PRMT7: variants seen among roughly 807,000 people sequenced by gnomAD.
PRMT7 encodes protein arginine methyltransferase 7.
In PRMT7, 75 loss-of-function variants were observed where a neutral mutation model predicts 85.4. That is an observed-to-expected ratio of 0.88 (90% CI 0.73 to 1.06). PRMT7 has a LOEUF of 1.06. Ranked by LOEUF, PRMT7 falls within the 50% of genes least tolerant of loss-of-function variation. The pLI is 0.00. For missense variants in PRMT7, 868 were observed against 915.2 expected, an observed-to-expected ratio of 0.95 and a Z score of 0.67; for synonymous variants, 397 against 359.5, an observed-to-expected ratio of 1.10 and a Z score of -1.18.
intron 7 of PRMT7, among the ~76,000 whole-genome samples, chr16:68,338,254 G>A (rs886379424): frequency 1.3e-5 from 2 of 152,120 alleles, no homozygotes; most frequent in African/African-American, 2.4e-5. Flanking sequence ...GTAGACAGAG[G>A]CCTGATAGGT....
At chr16:68,350,532 T>G (rs1455324861) in intron 14 of PRMT7, among the ~76,000 whole-genome samples, 1 of 152,204 alleles carries the variant, frequency 6.6e-6, no homozygotes, top group African/African-American at 2.4e-5. Flanking sequence ...GTGAACATCA[T>G]TTCGTGTGCT....
intron 7 of PRMT7, among the ~76,000 whole-genome samples, chr16:68,338,133 T>C (rs1007002660): frequency 8.5e-5 from 13 of 152,270 alleles, no homozygotes; most frequent in South Asian, 8.3e-4. Context: ...AGCAGACTTA[T>C]GCAGGCAGAT....
At chr16:68,341,016 CAT>C (rs752382781) in intron 9 of PRMT7, among the ~76,000 whole-genome samples, 7 of 152,174 alleles carry the variant, frequency 4.6e-5, no homozygotes, top group Non-Finnish European at 8.8e-5. Context: ...AGTGGATAGT[CAT>C]GTGTGGTGTA....
intron 17 of PRMT7, 132 bp from the exon 18 acceptor site, chr16:68,356,569 C>A: frequency 1.5e-6 from 1 of 682,458 alleles, no homozygotes. Flanking sequence ...GTAACTGCAG[C>A]ACTAGGAACT....
chr16:68,321,453 C>T lies in PRMT7; in HGVS notation c.123C>T (p.Asp41=). 3 of 1,609,688 alleles carry T rather than the reference C, an allele frequency of 1.9e-6. No individual in the cohort carries two copies. The highest frequency in any genetic ancestry group is 2.5e-6 in the Non-Finnish European group (3 of 1,177,056). Residue 41 remains aspartate (D), a synonymous_variant, in exon 4 of 19, where the codon GAC becomes GAT. Transcript: ENST00000441236. ...CATCTTATGCAGATATGCTACATGA[C>T]AAAGACAGAGTAAGTGTAAAAGGAA... ...ARSSYADMLH[D]KDRNVKYYQG... is the part of the protein sequence containing the mutation.
rs145914703 is a variant in PRMT7, at chr16:68,313,537, C to T, written c.-84+1361C>T. Reference sequence around the variant, plus strand: ...AAATGCCTTCTCCGTCCACAACCCCCTCCTTCTCCTCCTGCCTCAGCTGAA... The same window carrying T: ...AAATGCCTTCTCCGTCCACAACCCCTTCCTTCTCCTCCTGCCTCAGCTGAA... On this transcript the variant is annotated intron_variant, in intron 2 of 18. Coordinates refer to ENST00000441236, the MANE Select transcript of PRMT7 (RefSeq NM_019023.5). 3.0e-4 allele frequency among the ~76,000 whole-genome samples: 45 copies of T among 152,318 alleles called. No homozygotes were observed. In the East Asian group the frequency reaches 8.3e-3, roughly 28 times the overall value.
At chr16:68,324,398 C>T in intron 4 of PRMT7, 2 of 429,596 alleles carry the variant, frequency 4.7e-6, no homozygotes, top group South Asian at 2.4e-5. Flanking sequence ...CCCCTTTTGG[C>T]TGTACCTAAC....
chr16:68,354,076 A>C (rs1296539277), intron 16 of PRMT7, among the ~76,000 whole-genome samples: 1 of 152,168 alleles, frequency 6.6e-6, no homozygotes, highest in Non-Finnish European at 1.5e-5. Flanking sequence ...GGTGAGGAGC[A>C]TGGGCCGTGC....
chr16:68,344,066 C>T (rs759116311), intron 9 of PRMT7, among the ~76,000 whole-genome samples: 1 of 152,234 alleles, frequency 6.6e-6, no homozygotes, highest in Non-Finnish European at 1.5e-5. Flanking sequence ...CTCCTGGGCA[C>T]AAGCGATCCT....
Position 68,321,472 on chromosome 16 carries a change from A to G in PRMT7, c.132+10A>G, listed in dbSNP as rs2082488147. On this transcript the variant is annotated intron_variant, in intron 4 of 18. Transcript: ENST00000441236. ...ACATGACAAAGACAGAGTAAGTGTA[A>G]AAGGAAACTATTATCTTGATGTGGG... 7 of 1,603,178 alleles carry G rather than the reference A, an allele frequency of 4.4e-6. No individual in the cohort carries two copies. In the East Asian group the frequency reaches 1.6e-4, roughly 36 times the overall value.
At chr16:68,334,264 G>A (rs1347126362) in intron 6 of PRMT7, among the ~76,000 whole-genome samples, 1 of 152,204 alleles carries the variant, frequency 6.6e-6, no homozygotes, top group African/African-American at 2.4e-5. Flanking sequence ...TTTTTGTAAA[G>A]TGAGTAGATT....
chr16:68,324,387 C>A, intron 4 of PRMT7: 1 of 397,462 alleles, frequency 2.5e-6, no homozygotes, highest in South Asian at 2.6e-5. Flanking sequence ...CCCTCTTGGT[C>A]CCCCTTTTGG....
chr16:68,333,167 G>GT (rs1286846913), intron 6 of PRMT7, among the ~76,000 whole-genome samples: 1 of 151,766 alleles, frequency 6.6e-6, no homozygotes, highest in African/African-American at 2.4e-5. Flanking sequence ...TAATTTTTTT[G>GT]TTTTTTTAAA....
At position 68,329,370 on chromosome 16, in the gene PRMT7, G is replaced by A. The variant is rs1053004136; in HGVS notation, c.391+196G>A. 1.2e-4 allele frequency: 57 copies of A among 456,644 alleles called. No homozygotes were observed. In the Admixed American group the frequency reaches 1.8e-3, roughly 15 times the overall value. The allele number at this position is 456,644 out of a possible 1,614,324, so 28.3% of individuals were successfully genotyped here. On this transcript the variant is annotated intron_variant, in intron 6 of 18. Transcript: ENST00000441236. Reference sequence around the variant, plus strand: ...AGTTAAAACTAGTCAACAAGGAGTAGACTAGAGCTAGTCAGGTCCAGCAAT... The same window carrying A: ...AGTTAAAACTAGTCAACAAGGAGTAAACTAGAGCTAGTCAGGTCCAGCAAT...
intron 9 of PRMT7, among the ~76,000 whole-genome samples, chr16:68,340,231 AC>A (rs2151743338): frequency 6.6e-6 from 1 of 152,210 alleles, no homozygotes; most frequent in African/African-American, 2.4e-5. Flanking sequence ...TGATGCAGCC[AC>A]CCTTAGATAC....
chr16:68,331,359 G>A (rs923191633), intron 6 of PRMT7, among the ~76,000 whole-genome samples: 2 of 151,966 alleles, frequency 1.3e-5, no homozygotes, highest in Non-Finnish European at 2.9e-5. Flanking sequence ...CCTGTTGATG[G>A]ACAGGGATTT....
Position 68,339,927 on chromosome 16 carries a change from A to G in PRMT7, c.886A>G (p.Met296Val), listed in dbSNP as rs775458881. Reference protein sequence around the residue: ...MDPEGKIKCTMAPFWAHSDPE... With the variant: ...MDPEGKIKCTVAPFWAHSDPE... ...CCCTGAGGGGAAGATCAAGTGCACCATGGCCCCCTTCTGGGCACACTCAGA... is the reference window on the plus strand; with the variant it reads ...CCCTGAGGGGAAGATCAAGTGCACCGTGGCCCCCTTCTGGGCACACTCAGA... The change falls in exon 9 of 19, where the codon ATG (methionine) becomes GTG (valine). Residue 296 changes from methionine to valine, a missense_variant. Coordinates refer to ENST00000441236, the MANE Select transcript of PRMT7 (RefSeq NM_019023.5). 1.9e-6 allele frequency: 3 copies of G among 1,614,138 alleles called. No homozygotes were observed. The highest frequency in any genetic ancestry group is 1.7e-5 in the Admixed American group (1 of 59,996).
intron 3 of PRMT7, 103 bp downstream of exon 3, chr16:68,316,177 G>C (rs2081830747): frequency 3.0e-6 from 3 of 998,804 alleles, no homozygotes; most frequent in African/African-American, 1.6e-5. Context: ...GTCACCCAGT[G>C]CTTATGATGA....
chr16:68,337,435 A>G (rs1488597282), intron 6 of PRMT7, 24 bp from the exon 7 acceptor site: 3 of 1,548,644 alleles, frequency 1.9e-6, no homozygotes, highest in South Asian at 1.1e-5. Context: ...CTTATGTCCA[A>G]CTCTGTTTTC....
Sources: gnomAD v4.1 joint callset for allele counts (sites outside exome capture counted in the v4.1 genomes callset) on GRCh38, gnomAD v4.1.1 for gene constraint, MANE v1.5 for transcripts, NCBI Gene and HGNC (gene_info 2026-07-23, HGNC 2026-07-21) for gene names.